Variants in RAPGEF2 observed in about 807,000 individuals in gnomAD.
The protein encoded by RAPGEF2 is PDZ domain containing guanine nucleotide exchange factor (GEF) 1.
In RAPGEF2, 54 loss-of-function variants were observed where a neutral mutation model predicts 186.7. That is an observed-to-expected ratio of 0.29 (90% confidence interval 0.23 to 0.36). RAPGEF2 has a LOEUF of 0.36. Ranked by LOEUF, RAPGEF2 falls within the 10% of genes least tolerant of loss-of-function variation. RAPGEF2 has a pLI of 1.00. For synonymous variants in RAPGEF2, 712 were observed against 705.9 expected (o/e 1.01, Z -0.14); for missense variants, 1,532 against 2,045.0 (o/e 0.75, Z 4.84).
chr4:159,273,646 CTTTCTTTCTT>C (rs1313602462), intron 7 of RAPGEF2, among the ~76,000 whole-genome samples: 60 of 133,002 alleles, frequency 4.5e-4, no homozygotes, highest in African/African-American at 1.5e-3. Context: ...TTCTTTCTTT[CTTTCTTTCTT>C]TCTTTCTTTC....
intron 4 of RAPGEF2, among the ~76,000 whole-genome samples, chr4:159,219,347 C>CTTTTTTTTTTTT (rs70962664): frequency 6.1e-5 from 5 of 81,446 alleles, no homozygotes; most frequent in African/African-American, 2.8e-4. Context: ...CAACTGTATC[C>CTTTTTTTTTTTT]TTTTTTTTTT....
Position 159,112,916 on chromosome 4 carries a change from A to C in RAPGEF2, c.69+8685A>C, listed in dbSNP as rs1207508301. On this transcript the variant is annotated intron_variant, in intron 1 of 29. Coordinates refer to ENST00000691494, the MANE Select transcript of RAPGEF2 (RefSeq NM_001394067.2). ...GTAATATCAAATTAACCAGATCATC[A>C]AAGTTAATATCATTAGTAATAAGAC... is the stretch of plus-strand genomic sequence containing the variant. Among the ~76,000 whole-genome samples the C allele has an allele frequency of 5.3e-5, 8 of 152,198 alleles. No individual in the cohort carries two copies. The East Asian group carries it at 7.7e-4, about 15-fold the overall frequency.
chr4:159,243,223 A>G (rs1375162478), intron 6 of RAPGEF2, among the ~76,000 whole-genome samples: 1 of 151,862 alleles, frequency 6.6e-6, no homozygotes, highest in African/African-American at 2.4e-5. Context: ...AATGGATCAT[A>G]TACTGGTTTA....
intron 1 of RAPGEF2, among the ~76,000 whole-genome samples, chr4:159,171,306 T>C (rs987428755): frequency 6.6e-6 from 1 of 152,192 alleles, no homozygotes; most frequent in East Asian, 1.9e-4. Flanking sequence ...CACATGCCAG[T>C]GTTCATAAAA....
intron 7 of RAPGEF2, among the ~76,000 whole-genome samples, chr4:159,284,015 A>G (rs1173810674): frequency 1.3e-5 from 2 of 152,192 alleles, no homozygotes; most frequent in Non-Finnish European, 2.9e-5. Context: ...CTTACATGCT[A>G]AATGTAACAT....
chr4:159,225,095 G>A (rs1263403461), intron 4 of RAPGEF2, among the ~76,000 whole-genome samples: 1 of 152,166 alleles, frequency 6.6e-6, no homozygotes, highest in Non-Finnish European at 1.5e-5. Flanking sequence ...GATATAAAGA[G>A]ATAACCTGGG....
At chr4:159,215,825 C>T (rs1244022918) in intron 4 of RAPGEF2, among the ~76,000 whole-genome samples, 2 of 152,070 alleles carry the variant, frequency 1.3e-5, no homozygotes, top group African/African-American at 2.4e-5. Context: ...TAGGAATTTC[C>T]AAGATGCCAA....
intron 1 of RAPGEF2, among the ~76,000 whole-genome samples, chr4:159,144,980 C>T (rs1358294439): frequency 6.8e-6 from 1 of 147,282 alleles, no homozygotes; most frequent in Non-Finnish European, 1.5e-5. Flanking sequence ...CTCTACCTCC[C>T]TAGGCTCAGG....
chr4:159,242,051 TA>T (rs1195734582), intron 6 of RAPGEF2, among the ~76,000 whole-genome samples: 2 of 152,056 alleles, frequency 1.3e-5, no homozygotes, highest in Non-Finnish European at 2.9e-5. Context: ...ATTTATTTCA[TA>T]AATATTGATA....
At chr4:159,154,146 A>G (rs1743858075) in intron 1 of RAPGEF2, among the ~76,000 whole-genome samples, 1 of 152,226 alleles carries the variant, frequency 6.6e-6, no homozygotes, top group African/African-American at 2.4e-5. Context: ...ATAACCATTA[A>G]TATTTGGCAA....
chr4:159,139,791 T>C (rs1742117103), intron 1 of RAPGEF2, among the ~76,000 whole-genome samples: 1 of 152,212 alleles, frequency 6.6e-6, no homozygotes, highest in Non-Finnish European at 1.5e-5. Flanking sequence ...AAACAACTTT[T>C]GCATCCTGTT....
chr4:159,111,222 T>G (rs1738459309), intron 1 of RAPGEF2, among the ~76,000 whole-genome samples: 1 of 152,204 alleles, frequency 6.6e-6, no homozygotes, highest in African/African-American at 2.4e-5. Flanking sequence ...TTGTCCTGGC[T>G]CCACCTCTTC....
At chr4:159,112,984 A>C (rs1432044089) in intron 1 of RAPGEF2, among the ~76,000 whole-genome samples, 2 of 152,230 alleles carry the variant, frequency 1.3e-5, no homozygotes, top group African/African-American at 4.8e-5. Flanking sequence ...ATTGAGAAAG[A>C]GATATCTCTG....
intron 7 of RAPGEF2, among the ~76,000 whole-genome samples, chr4:159,295,712 A>C (rs1006490635): frequency 1.0e-5 from 1 of 97,350 alleles, no homozygotes; most frequent in African/African-American, 4.7e-5. Context: ...AGAGAGAGAG[A>C]GTGTGTGAGT....
At chr4:159,186,822 C>G in intron 2 of RAPGEF2, 110 bp downstream of exon 2, 2 of 587,168 alleles carry the variant, frequency 3.4e-6, no homozygotes, top group Non-Finnish European at 5.7e-6. Context: ...AATAATTGTA[C>G]ATATTCGTGG....
intron 7 of RAPGEF2, chr4:159,268,016 A>G: frequency 2.1e-6 from 3 of 1,446,188 alleles, no homozygotes; most frequent in Non-Finnish European, 2.7e-6. Context: ...CAGTAGTGAC[A>G]CTTTAAGCTG....
At chr4:159,126,527 G>GTT (rs35340164) in intron 1 of RAPGEF2, among the ~76,000 whole-genome samples, 6 of 148,570 alleles carry the variant, frequency 4.0e-5, no homozygotes, top group Non-Finnish European at 7.4e-5. Context: ...TCCTGTCCAG[G>GTT]TTTTAAAAAA....
At chr4:159,314,857 G>C (rs1402198074) in intron 9 of RAPGEF2, 89 bp downstream of exon 9, 6 of 1,221,652 alleles carry the variant, frequency 4.9e-6, no homozygotes, top group African/African-American at 4.7e-5. Flanking sequence ...AGACTAGTAG[G>C]CTTTAAAAAC....
intron 7 of RAPGEF2, among the ~76,000 whole-genome samples, chr4:159,254,128 AATT>A (rs1459819299): frequency 4.6e-5 from 7 of 152,204 alleles, no homozygotes; most frequent in Admixed American, 4.6e-4. Flanking sequence ...TAATGTAATT[AATT>A]ATTACTGCTT....
Sources: gnomAD v4.1 joint callset for allele counts (sites outside exome capture counted in the v4.1 genomes callset) on GRCh38, gnomAD v4.1.1 for gene constraint, MANE v1.5 for transcripts, NCBI Gene and HGNC (gene_info 2026-07-23, HGNC 2026-07-21) for gene names.